The following CNTN4 variants were observed in gnomAD, a reference collection of about 807,000 sequenced individuals.
CNTN4 encodes contactin-4.
A neutral mutation model predicts 122.5 loss-of-function variants in CNTN4; 77 were observed. That is an observed-to-expected ratio of 0.63 (90% CI 0.52 to 0.76). The LOEUF (loss-of-function observed/expected upper bound fraction) is 0.76. Ranked by LOEUF, CNTN4 falls within the 30% of genes least tolerant of loss-of-function variation. The pLI is 0.00. For missense variants in CNTN4, 1,256 were observed against 1,259.1 expected (o/e 1.00, Z 0.04); for synonymous variants, 512 against 447.0 (o/e 1.15, Z -1.83).
rs117119652 is a variant in CNTN4, at chr3:2,691,900, G to A, written c.56-44315G>A. On this transcript the variant is annotated intron_variant, in intron 4 of 24. Coordinates refer to ENST00000418658, the MANE Select transcript of CNTN4 (RefSeq NM_175607.3). ...ACAAATATATTTATGACCTTTGTTC[G>A]TTAGCACAGAAATATATGTCAACAT... 1.5e-3 allele frequency among the ~76,000 whole-genome samples: 227 copies of A among 152,160 alleles called. 2 individuals carry two copies. The highest frequency in any genetic ancestry group is 0.012 in the East Asian group (62 of 5,172).
chr3:2,591,510 GC>G lies in CNTN4; in HGVS notation c.55+19955del, dbSNP rs1237094993. Among the ~76,000 whole-genome samples the G allele has an allele frequency of 3.8e-3, 335 of 87,660 alleles. 62 individuals carry two copies. Among genetic ancestry groups the G allele is most frequent in the African/African-American group, 5.7e-3 (132 of 23,224 alleles). 57.5% of individuals were successfully genotyped at this position (87,660 alleles called of 152,430 possible). ...CTCCCAAGTAGCTGGGACTACAGGC[GC>G]CCGCCACTACGCCCGGCTAATTTTT... On this transcript the variant is annotated intron_variant, in intron 4 of 24. Transcript: ENST00000418658.
At chr3:3,049,730 T>G (rs1232884946) in intron 23 of CNTN4, among the ~76,000 whole-genome samples, 2 of 152,204 alleles carry the variant, frequency 1.3e-5, no homozygotes, top group Non-Finnish European at 2.9e-5. Context: ...AGTTGGGCCT[T>G]GGCACCTCTC....
intron 2 of CNTN4, among the ~76,000 whole-genome samples, chr3:2,201,557 A>G (rs2038096950): frequency 6.6e-6 from 1 of 152,164 alleles, no homozygotes; most frequent in Non-Finnish European, 1.5e-5. Flanking sequence ...ACATTTGCCA[A>G]AGTATTGCTA....
chr3:3,028,758 G>C (rs1175718061), intron 15 of CNTN4, among the ~76,000 whole-genome samples: 1 of 152,134 alleles, frequency 6.6e-6, no homozygotes, highest in Non-Finnish European at 1.5e-5. Flanking sequence ...GATAATTCCT[G>C]ATACTTGCAA....
chr3:2,512,366 C>CA (rs572475992), intron 3 of CNTN4, among the ~76,000 whole-genome samples: 14 of 151,648 alleles, frequency 9.2e-5, no homozygotes, highest in South Asian at 2.1e-4. Context: ...ATTAAAAAAA[C>CA]AAAAAAAATC....
chr3:2,378,517 T>C (rs1291976977), intron 3 of CNTN4, among the ~76,000 whole-genome samples: 2 of 152,198 alleles, frequency 1.3e-5, no homozygotes, highest in African/African-American at 4.8e-5. Flanking sequence ...CAGGTAGCAA[T>C]CTCTGCTACT....
At position 2,708,041 on chromosome 3, in the gene CNTN4, T is replaced by C. The variant is rs374700527; in HGVS notation, c.56-28174T>C. Among the ~76,000 whole-genome samples the C allele has an allele frequency of 2.7e-4, 41 of 152,322 alleles. No homozygotes were observed. The South Asian group carries it at 7.9e-3, about 29-fold the overall frequency. On this transcript the variant is annotated intron_variant, in intron 4 of 24. Coordinates refer to ENST00000418658, the MANE Select transcript of CNTN4 (RefSeq NM_175607.3). ...TTTTATATAATACCAATTCATTCTA[T>C]TATTGGTTCTTTTGGATGCTGAGAA... is the stretch of plus-strand genomic sequence containing the variant.
chr3:2,734,086 G>T (rs114490037), intron 4 of CNTN4, among the ~76,000 whole-genome samples: 2 of 152,044 alleles, frequency 1.3e-5, no homozygotes, highest in East Asian at 3.9e-4. Flanking sequence ...TTGAGATAGC[G>T]TCTTGGTTTG....
intron 12 of CNTN4, among the ~76,000 whole-genome samples, chr3:2,905,516 C>A (rs1306375329): frequency 6.6e-6 from 1 of 152,160 alleles, no homozygotes; most frequent in East Asian, 1.9e-4. Flanking sequence ...AGGGCTTCAC[C>A]TCATAGGGGC....
chr3:2,831,826 A>G (rs922847611), intron 7 of CNTN4, among the ~76,000 whole-genome samples: 2 of 152,184 alleles, frequency 1.3e-5, no homozygotes, highest in African/African-American at 4.8e-5. Context: ...TCAAATCAGC[A>G]CATACACTAG....
intron 4 of CNTN4, among the ~76,000 whole-genome samples, chr3:2,587,684 A>G (rs1473795918): frequency 1.3e-5 from 2 of 152,242 alleles, no homozygotes; most frequent in Admixed American, 6.5e-5. Context: ...AAGATTATCA[A>G]TGGCATTTCA....
intron 4 of CNTN4, among the ~76,000 whole-genome samples, chr3:2,716,448 C>T (rs2087503841): frequency 6.6e-6 from 1 of 151,870 alleles, no homozygotes; most frequent in Non-Finnish European, 1.5e-5. Flanking sequence ...CTAGAGCTGT[C>T]ATAACAAAAT....
At chr3:2,667,927 C>A (rs2084267403) in intron 4 of CNTN4, among the ~76,000 whole-genome samples, 1 of 151,914 alleles carries the variant, frequency 6.6e-6, no homozygotes, top group Non-Finnish European at 1.5e-5. Flanking sequence ...TTTCTGAGGG[C>A]TCTGTTCTGT....
chr3:2,172,379 A>T (rs1161450373), intron 2 of CNTN4, among the ~76,000 whole-genome samples: 3 of 152,072 alleles, frequency 2.0e-5, no homozygotes, highest in Non-Finnish European at 4.4e-5. Flanking sequence ...AGAATGATTT[A>T]ATGGACTTTG....
intron 4 of CNTN4, among the ~76,000 whole-genome samples, chr3:2,729,380 C>CGGTGAAACCCCGTCTATACT (rs1559437998): frequency 1.3e-5 from 2 of 148,430 alleles, no homozygotes; most frequent in African/African-American, 5.1e-5. Flanking sequence ...CCGGCTAACA[C>CGGTGAAACCCCGTCTATACT]AAAATTAACA....
chr3:2,433,174 G>A (rs1453970637), intron 3 of CNTN4, among the ~76,000 whole-genome samples: 2 of 152,112 alleles, frequency 1.3e-5, no homozygotes, highest in African/African-American at 4.8e-5. Context: ...GAAATTATTA[G>A]AATCATATAG....
At chr3:2,233,158 T>G (rs2039553464) in intron 2 of CNTN4, among the ~76,000 whole-genome samples, 1 of 152,166 alleles carries the variant, frequency 6.6e-6, no homozygotes, top group Admixed American at 6.5e-5. Context: ...TGACAGTTAT[T>G]AAACATATAC....
intron 2 of CNTN4, among the ~76,000 whole-genome samples, chr3:2,333,713 A>C (rs574347077): frequency 6.6e-6 from 1 of 152,330 alleles, no homozygotes; most frequent in African/African-American, 2.4e-5. Flanking sequence ...GCACGATTAG[A>C]AATGCATCCC....
chr3:2,146,475 G>T (rs1174280009), intron 2 of CNTN4, among the ~76,000 whole-genome samples: 2 of 151,924 alleles, frequency 1.3e-5, no homozygotes, highest in East Asian at 3.9e-4. Context: ...TATTGTTCCA[G>T]TAAATGCACA....
Sources: allele counts gnomAD v4.1 joint callset (sites outside exome capture counted in the v4.1 genomes callset), GRCh38; gene constraint gnomAD v4.1.1; transcripts MANE v1.5; gene names NCBI Gene and HGNC (gene_info 2026-07-23, HGNC 2026-07-21).